Variants in AGBL4 observed in about 807,000 individuals in gnomAD.
The protein encoded by AGBL4 is AGBL carboxypeptidase 4.
Under a neutral mutation model 66.4 loss-of-function variants are expected in AGBL4, and 58 were observed. That is an observed-to-expected ratio of 0.87 (90% CI 0.71 to 1.09). The LOEUF (loss-of-function observed/expected upper bound fraction) is 1.09. Among genes scored for constraint, AGBL4 ranks in the 50% least tolerant of loss-of-function variants. The pLI is 0.00. For synonymous variants in AGBL4, 234 were observed against 222.9 expected (o/e 1.05, Z -0.44); for missense variants, 579 against 631.0 (o/e 0.92, Z 0.88).
intron 6 of AGBL4, among the ~76,000 whole-genome samples, chr1:48,835,021 T>G (rs1179135819): frequency 6.6e-6 from 1 of 152,134 alleles, no homozygotes; most frequent in Non-Finnish European, 1.5e-5. Context: ...CTTATCCTAA[T>G]AAAAAATAGC....
intron 3 of AGBL4, among the ~76,000 whole-genome samples, chr1:49,571,919 C>T (rs1329192920): frequency 1.3e-5 from 2 of 152,058 alleles, no homozygotes; most frequent in Admixed American, 1.3e-4. Flanking sequence ...GTATAAAACC[C>T]ACTTTATTGT....
intron 6 of AGBL4, among the ~76,000 whole-genome samples, chr1:48,762,612 TTTTGTGTGTGTGTGTG>T (rs35000699): frequency 0.096 from 12,245 of 127,924 alleles, 640 homozygotes; most frequent in East Asian, 0.29. Flanking sequence ...TCTTTAAGGG[TTTTGTGTGTGTGTGTG>T]TGTGTGTGTG....
intron 9 of AGBL4, among the ~76,000 whole-genome samples, chr1:48,609,781 C>T (rs1289883643): frequency 6.6e-6 from 1 of 152,156 alleles, no homozygotes; most frequent in African/African-American, 2.4e-5. Context: ...AATTCTCTCC[C>T]CACTGCATGC....
chr1:49,932,408 G>C (rs1353311765), intron 1 of AGBL4, among the ~76,000 whole-genome samples: 2 of 151,942 alleles, frequency 1.3e-5, no homozygotes, highest in East Asian at 3.8e-4. Flanking sequence ...AAAATTCCTA[G>C]AAGAAAAACA....
At position 48,624,968 on chromosome 1, in the gene AGBL4, C is replaced by T. The variant is rs192071993; in HGVS notation, c.951+9525G>A. On this transcript the variant is annotated intron_variant, in intron 9 of 13. Transcript: ENST00000371839. ...TATTGCCCAGGCTGGAGGGCAATGG[C>T]GCGATCATAGCTCACTATAGCCAAG... is the stretch of plus-strand genomic sequence containing the variant. 3.7e-4 allele frequency among the ~76,000 whole-genome samples: 56 copies of T among 151,906 alleles called. No individual in the cohort carries two copies. The East Asian group carries it at 0.01, about 27-fold the overall frequency.
chr1:49,731,985 T>C (rs1420253111), intron 2 of AGBL4, among the ~76,000 whole-genome samples: 2 of 152,198 alleles, frequency 1.3e-5, no homozygotes, highest in African/African-American at 4.8e-5. Context: ...CCAGGAATAT[T>C]TGGCCTGAAA....
At chr1:49,737,722 G>A (rs537122539) in intron 2 of AGBL4, among the ~76,000 whole-genome samples, 29 of 152,220 alleles carry the variant, frequency 1.9e-4, no homozygotes, top group Non-Finnish European at 2.6e-4. Flanking sequence ...ATTCCTTATC[G>A]GAAATCATGA....
At chr1:49,853,527 G>A (rs1646358168) in intron 1 of AGBL4, among the ~76,000 whole-genome samples, 2 of 152,036 alleles carry the variant, frequency 1.3e-5, no homozygotes, top group South Asian at 4.1e-4. Context: ...TAAAATATAT[G>A]TATAATTGGG....
intron 9 of AGBL4, among the ~76,000 whole-genome samples, chr1:48,619,635 C>G (rs1645376714): frequency 1.3e-5 from 2 of 152,174 alleles, no homozygotes; most frequent in Non-Finnish European, 2.9e-5. Flanking sequence ...GAGGCTTTTT[C>G]AAGGTTATAG....
intron 6 of AGBL4, among the ~76,000 whole-genome samples, chr1:48,741,030 C>T (rs1649837337): frequency 6.6e-6 from 1 of 152,178 alleles, no homozygotes; most frequent in Non-Finnish European, 1.5e-5. Context: ...ATTTGAGAGA[C>T]TCATTTTCTG....
At chr1:49,619,808 A>T (rs1645322106) in intron 3 of AGBL4, among the ~76,000 whole-genome samples, 1 of 152,214 alleles carries the variant, frequency 6.6e-6, no homozygotes, top group Non-Finnish European at 1.5e-5. Flanking sequence ...GGCCTCAGAA[A>T]TAACACCACA....
chr1:49,825,091 T>C (rs1211884166), intron 2 of AGBL4, among the ~76,000 whole-genome samples: 1 of 152,210 alleles, frequency 6.6e-6, no homozygotes, highest in Admixed American at 6.5e-5. Context: ...AAGACCCAGA[T>C]AGAATATAGT....
At chr1:49,388,186 C>T (rs1335541795) in intron 3 of AGBL4, among the ~76,000 whole-genome samples, 1 of 152,074 alleles carries the variant, frequency 6.6e-6, no homozygotes, top group African/African-American at 2.4e-5. Context: ...CTAATAAGAA[C>T]ACATATTTGT....
At chr1:49,275,340 G>A (rs1439308376) in intron 3 of AGBL4, among the ~76,000 whole-genome samples, 2 of 152,122 alleles carry the variant, frequency 1.3e-5, no homozygotes, top group Non-Finnish European at 2.9e-5. Flanking sequence ...CAAAAAGAGA[G>A]AAGTTCACCA....
chr1:48,641,992 C>A (rs1323954333), intron 8 of AGBL4, among the ~76,000 whole-genome samples: 1 of 152,078 alleles, frequency 6.6e-6, no homozygotes, highest in Non-Finnish European at 1.5e-5. Flanking sequence ...GGTGCTACCC[C>A]CTACCACCCA....
At chr1:48,640,601 G>C (rs1023458633) in intron 8 of AGBL4, among the ~76,000 whole-genome samples, 1 of 152,204 alleles carries the variant, frequency 6.6e-6, no homozygotes, top group African/African-American at 2.4e-5. Flanking sequence ...ATCCAAGAAA[G>C]ATTTCATCTT....
At chr1:49,044,460 C>A (rs1644025805) in intron 5 of AGBL4, among the ~76,000 whole-genome samples, 1 of 151,606 alleles carries the variant, frequency 6.6e-6, no homozygotes, top group African/African-American at 2.4e-5. Context: ...CTTGCCACTG[C>A]ACTCCAGCCT....
intron 2 of AGBL4, among the ~76,000 whole-genome samples, chr1:49,828,309 G>C (rs1420810228): frequency 1.3e-5 from 2 of 152,162 alleles, no homozygotes; most frequent in Non-Finnish European, 2.9e-5. Context: ...AAAAAAGCAA[G>C]TAGCATATGA....
intron 9 of AGBL4, among the ~76,000 whole-genome samples, chr1:48,596,664 G>A (rs536086107): frequency 6.6e-6 from 1 of 152,016 alleles, no homozygotes; most frequent in East Asian, 1.9e-4. Flanking sequence ...AGTATAGTCT[G>A]GAACTCCTGG....
Sources: gnomAD v4.1 joint callset for allele counts (sites outside exome capture counted in the v4.1 genomes callset) on GRCh38, gnomAD v4.1.1 for gene constraint, MANE v1.5 for transcripts, NCBI Gene and HGNC (gene_info 2026-07-23, HGNC 2026-07-21) for gene names.